IP6K2: variants seen among roughly 807,000 people sequenced by gnomAD.
IP6K2 encodes ATP:1D-myo-inositol-hexakisphosphate phosphotransferase.
IP6K2 carries 9 observed loss-of-function variants against 43.3 expected under a neutral mutation model. That is an observed-to-expected ratio of 0.21 (90% CI 0.13 to 0.36). The LOEUF is 0.36. Ranked by LOEUF, IP6K2 falls within the 10% of genes least tolerant of loss-of-function variation. The pLI is 1.00. For missense variants in IP6K2, 332 were observed against 538.4 expected, an observed-to-expected ratio of 0.62 and a Z score of 3.79; for synonymous variants, 209 against 202.4, an observed-to-expected ratio of 1.03 and a Z score of -0.28.
At chr3:48,710,606 T>C (rs2080373393) in intron 1 of IP6K2, among the ~76,000 whole-genome samples, 1 of 152,024 alleles carries the variant, frequency 6.6e-6, no homozygotes, top group Non-Finnish European at 1.5e-5. Flanking sequence ...CTGTTCATGT[T>C]CATTAGTTTA....
intron 1 of IP6K2, among the ~76,000 whole-genome samples, chr3:48,712,756 C>G (rs2107081988): frequency 6.6e-6 from 1 of 152,090 alleles, no homozygotes; most frequent in East Asian, 2.0e-4. Context: ...GTGGCTCACA[C>G]CTGTAATCCC....
chr3:48,694,106 G>A (rs758648194), intron 2 of IP6K2: 2 of 1,494,660 alleles, frequency 1.3e-6, no homozygotes, highest in East Asian at 2.5e-5. Flanking sequence ...ACACTTCTGA[G>A]GTGGCCCCCA....
chr3:48,692,217 T>G (rs1435189086), intron 3 of IP6K2, among the ~76,000 whole-genome samples: 1 of 152,206 alleles, frequency 6.6e-6, no homozygotes, highest in African/African-American at 2.4e-5. Context: ...CTCTGAACAC[T>G]CCAAATGGGT....
chr3:48,714,724 C>G (rs1299385306), intron 1 of IP6K2, among the ~76,000 whole-genome samples: 1 of 151,884 alleles, frequency 6.6e-6, no homozygotes, highest in South Asian at 2.1e-4. Flanking sequence ...GTAGGGCAGG[C>G]CAGGCGCGGA....
chr3:48,692,638 A>C (rs1415120493), intron 3 of IP6K2, among the ~76,000 whole-genome samples: 1 of 152,244 alleles, frequency 6.6e-6, no homozygotes, highest in Non-Finnish European at 1.5e-5. Flanking sequence ...CCACTGGTGA[A>C]CAACCTGAGG....
chr3:48,707,024 AT>A (rs2079871899), intron 1 of IP6K2, among the ~76,000 whole-genome samples: 1 of 152,202 alleles, frequency 6.6e-6, no homozygotes, highest in African/African-American at 2.4e-5. Flanking sequence ...TACATGTATA[AT>A]TACAAATTAT....
chr3:48,710,624 T>C (rs2080377627), intron 1 of IP6K2, among the ~76,000 whole-genome samples: 1 of 152,172 alleles, frequency 6.6e-6, no homozygotes, highest in Non-Finnish European at 1.5e-5. Flanking sequence ...TTAGTTTTTT[T>C]TTTGAGACGG....
At chr3:48,709,357 A>G (rs1425811815) in intron 1 of IP6K2, among the ~76,000 whole-genome samples, 1 of 152,180 alleles carries the variant, frequency 6.6e-6, no homozygotes, top group Non-Finnish European at 1.5e-5. Flanking sequence ...AACTCTGACA[A>G]TTTCCTCTGG....
At chr3:48,716,757 A>G (rs1407971251) in intron 1 of IP6K2, among the ~76,000 whole-genome samples, 3 of 152,102 alleles carry the variant, frequency 2.0e-5, no homozygotes, top group African/African-American at 7.2e-5. Context: ...TCCACCCGCC[A>G]AATATCTGGG....
At chr3:48,711,763 A>G (rs1377275360) in intron 1 of IP6K2, among the ~76,000 whole-genome samples, 1 of 152,236 alleles carries the variant, frequency 6.6e-6, no homozygotes, top group Non-Finnish European at 1.5e-5. Flanking sequence ...TTTTCTTGTC[A>G]GGTTGTTCAA....
At chr3:48,706,156 G>C (rs1036844464) in intron 1 of IP6K2, among the ~76,000 whole-genome samples, 1 of 151,590 alleles carries the variant, frequency 6.6e-6, no homozygotes, top group Non-Finnish European at 1.5e-5. Flanking sequence ...GCAGTGAGCC[G>C]AGACTACGCC....
chr3:48,699,078 A>C (rs1028242525), intron 1 of IP6K2, among the ~76,000 whole-genome samples: 1 of 152,146 alleles, frequency 6.6e-6, no homozygotes, highest in African/African-American at 2.4e-5. Context: ...AAAATAAACA[A>C]AAACAGTCCT....
intron 1 of IP6K2, among the ~76,000 whole-genome samples, chr3:48,707,102 C>A (rs1297636859): frequency 6.6e-6 from 1 of 152,096 alleles, no homozygotes; most frequent in Admixed American, 6.6e-5. Context: ...CTGCCCTATA[C>A]TAGGTGGTAA....
chr3:48,712,936 C>T (rs1195761393), intron 1 of IP6K2, among the ~76,000 whole-genome samples: 1 of 151,986 alleles, frequency 6.6e-6, no homozygotes, highest in Admixed American at 6.5e-5. Context: ...TCGCTTAAAC[C>T]CAGGAGGCAG....
chr3:48,693,232 T>C, intron 2 of IP6K2, 53 bp from the exon 3 acceptor site: 1 of 1,437,952 alleles, frequency 7.0e-7, no homozygotes, highest in Non-Finnish European at 9.8e-7. Context: ...GAAGAAGCGT[T>C]GTAAGTAACA....
intron 1 of IP6K2, among the ~76,000 whole-genome samples, chr3:48,698,693 G>A (rs1341450623): frequency 1.3e-5 from 2 of 152,020 alleles, no homozygotes; most frequent in African/African-American, 2.4e-5. Context: ...GGCTGGTCTC[G>A]AAATCCTGAC....
At position 48,694,951 on chromosome 3, in the gene IP6K2, G is replaced by A. The variant is rs887416560; in HGVS notation, c.202+139C>T. The A allele has an allele frequency of 1.9e-6, 3 of 1,574,554 alleles. No homozygotes were observed. In the African/African-American group the frequency reaches 4.0e-5, roughly 21 times the overall value. On this transcript the variant is annotated intron_variant, in intron 2 of 5. Coordinates refer to ENST00000328631, the MANE Select transcript of IP6K2 (RefSeq NM_016291.4). ...GAGATGCTGGGCTGAGGGCCAGGAG[G>A]AGGAGAAGGAGGAGAGGGAGGGAAA...
At position 48,701,338 on chromosome 3, in the gene IP6K2, G is replaced by A. The variant is rs544146122; in HGVS notation, c.-130-5917C>T. 1.1e-4 allele frequency among the ~76,000 whole-genome samples: 17 copies of A among 151,910 alleles called. No homozygotes were observed. The East Asian group carries it at 2.9e-3, about 26-fold the overall frequency. ...TCCTAGCACCCTGGGAGGCTGAGGC[G>A]GGCGGATTGCCTGAGCTCAGAAGTT... On this transcript the variant is annotated intron_variant, in intron 1 of 5. Transcript: ENST00000328631.
At chr3:48,691,949 A>C (rs2077835950) in intron 3 of IP6K2, among the ~76,000 whole-genome samples, 1 of 151,796 alleles carries the variant, frequency 6.6e-6, no homozygotes, top group African/African-American at 2.4e-5. Context: ...GGTTCTAGAG[A>C]TTCTCCTGTC....
Sources: allele counts gnomAD v4.1 joint callset (sites outside exome capture counted in the v4.1 genomes callset), GRCh38; gene constraint gnomAD v4.1.1; transcripts MANE v1.5; gene names NCBI Gene and HGNC (gene_info 2026-07-23, HGNC 2026-07-21).